The following BFAR variants were observed in gnomAD, a reference collection of about 807,000 sequenced individuals.
The protein encoded by BFAR is RING finger protein 47.
Under a neutral mutation model 54.4 loss-of-function variants are expected in BFAR, and 52 were observed. The observed-to-expected ratio is 0.96, with a 90% confidence interval of 0.77 to 1.21. The LOEUF is 1.21. Ranked by LOEUF, BFAR falls within the 50% of genes most tolerant of loss-of-function variation. BFAR has a pLI of 0.00. For missense variants in BFAR, 571 were observed against 534.0 expected (o/e 1.07, Z -0.68); for synonymous variants, 215 against 204.3 (o/e 1.05, Z -0.45).
rs1283371772 is a variant in BFAR, at chr16:14,645,818, A to G, written c.263+1209A>G. Among the ~76,000 whole-genome samples, 5 of 152,286 alleles carry G rather than the reference A, an allele frequency of 3.3e-5. No individual in the cohort carries two copies. In the East Asian group the frequency reaches 5.8e-4, roughly 18 times the overall value. ...TTTTCCCTTCTTATAAACTGATTTT[A>G]ATAACATAAGATACATATATATACA... On this transcript the variant is annotated intron_variant, in intron 2 of 7. Transcript: ENST00000261658.
At chr16:14,657,005 C>T (rs539801552) in intron 5 of BFAR, among the ~76,000 whole-genome samples, 4 of 151,552 alleles carry the variant, frequency 2.6e-5, no homozygotes, top group South Asian at 2.1e-4. Flanking sequence ...CAGGAGGCTA[C>T]GGCAGGAGAA....
chr16:14,656,492 GAAAA>G (rs904695833), intron 5 of BFAR, among the ~76,000 whole-genome samples: 1 of 131,552 alleles, frequency 7.6e-6, no homozygotes, highest in Non-Finnish European at 1.7e-5. Context: ...CCCTGTTTCA[GAAAA>G]AAAAAAAAAG....
At chr16:14,651,309 A>C (rs1390609234) in intron 4 of BFAR, among the ~76,000 whole-genome samples, 1 of 152,150 alleles carries the variant, frequency 6.6e-6, no homozygotes, top group Non-Finnish European at 1.5e-5. Context: ...ACGTACTTTC[A>C]CTGGTTTATT....
intron 6 of BFAR, among the ~76,000 whole-genome samples, chr16:14,662,356 C>G (rs1208438609): frequency 6.6e-6 from 1 of 152,110 alleles, no homozygotes; most frequent in East Asian, 1.9e-4. Flanking sequence ...CCCAAAGACC[C>G]TTGTAAACAC....
intron 1 of BFAR, among the ~76,000 whole-genome samples, chr16:14,635,106 G>A (rs115567048): frequency 0.014 from 2,096 of 152,258 alleles, 43 homozygotes; most frequent in African/African-American, 0.045. Context: ...ATGCCAAGGC[G>A]GGCAGATTGC....
chr16:14,654,235 TCTC>T (rs1399561220), intron 4 of BFAR, among the ~76,000 whole-genome samples: 22 of 151,746 alleles, frequency 1.4e-4, no homozygotes, highest in African/African-American at 7.3e-5. Flanking sequence ...ATGGTCTTGA[TCTC>T]CTGACCTCGT....
At chr16:14,654,262 C>T (rs1311491213) in intron 4 of BFAR, among the ~76,000 whole-genome samples, 5 of 151,976 alleles carry the variant, frequency 3.3e-5, no homozygotes, top group Middle Eastern at 3.4e-3. Context: ...CTGCCCGCCT[C>T]GGCCTCCCAA....
chr16:14,647,439 T>C (rs1959833427), intron 2 of BFAR, among the ~76,000 whole-genome samples: 1 of 152,012 alleles, frequency 6.6e-6, no homozygotes. Flanking sequence ...CTCATGCCTG[T>C]AATCCCAGTA....
chr16:14,651,614 G>T (rs1959969580), intron 4 of BFAR, among the ~76,000 whole-genome samples: 1 of 152,004 alleles, frequency 6.6e-6, no homozygotes, highest in Non-Finnish European at 1.5e-5. Flanking sequence ...CAAGTAGCTG[G>T]GACTGCAGGC....
chr16:14,666,901 A>C lies in BFAR; in HGVS notation c.1161-734A>C, dbSNP rs57933955. 8.5e-5 allele frequency among the ~76,000 whole-genome samples: 13 copies of C among 152,278 alleles called. No homozygotes were observed. In the East Asian group the frequency reaches 2.3e-3, roughly 27 times the overall value. On this transcript the variant is annotated intron_variant, in intron 7 of 7. Coordinates refer to ENST00000261658, the MANE Select transcript of BFAR (RefSeq NM_016561.3). The stretch of plus-strand genomic sequence containing the variant: ...ATAGTGTGAGGCCCTACAGCCTAGC[A>C]AAGAAAATATGTACGTTAAAAAATA...
chr16:14,664,741 C>G lies in BFAR; in HGVS notation c.958-128C>G, dbSNP rs1169128942. 4.8e-6 allele frequency: 4 copies of G among 836,490 alleles called. No individual in the cohort carries two copies. In the African/African-American group the frequency reaches 6.8e-5, roughly 14 times the overall value. 51.8% of individuals were successfully genotyped at this position (836,490 alleles called of 1,614,324 possible). A position where few individuals can be genotyped will look rare whatever the true frequency, so the allele number is the denominator to read the frequency against. On this transcript the variant is annotated intron_variant, in intron 6 of 7. Transcript: ENST00000261658. ...TCTTGAACTCCTTACCTCAGGTGATCCGCCCACCTAGGCCTCCCAAAGTGG... is the reference window on the plus strand; with the variant it reads ...TCTTGAACTCCTTACCTCAGGTGATGCGCCCACCTAGGCCTCCCAAAGTGG...
intron 5 of BFAR, among the ~76,000 whole-genome samples, chr16:14,655,574 C>T (rs1203578118): frequency 6.6e-6 from 1 of 151,438 alleles, no homozygotes; most frequent in Non-Finnish European, 1.5e-5. Flanking sequence ...GCTGGGATTA[C>T]AGGCACACGC....
intron 5 of BFAR, among the ~76,000 whole-genome samples, chr16:14,659,241 TTTG>T (rs1960219719): frequency 2.7e-5 from 4 of 147,966 alleles, no homozygotes; most frequent in African/African-American, 1.0e-4. Flanking sequence ...TTTGTTTTTT[TTTG>T]TTTTTTGTTT....
Position 14,655,097 on chromosome 16 carries a change from T to C in BFAR, c.670T>C (p.Ser224Pro). The change falls in exon 5 of 8, where the codon TCC (serine) becomes CCC (proline). Residue 224 changes from serine to proline, a missense_variant. By Grantham distance (74) the Ser-to-Pro change is moderately conservative. Coordinates refer to ENST00000261658, the MANE Select transcript of BFAR (RefSeq NM_016561.3). The part of the protein sequence containing the change: ...LLLTLTEEEF[S>P]KTPYTIENSS... ...TTTAACTTTGACAGAGGAAGAATTT[T>C]CCAAGACGCCCTATACCATAGAAAA... The C allele has an allele frequency of 6.2e-7, 1 of 1,610,114 alleles. No individual in the cohort carries two copies.
In BFAR at chr16:14,667,919, T is replaced by C; in HGVS notation, c.*92T>C. The C allele has an allele frequency of 7.6e-7, 1 of 1,321,374 alleles. No individual in the cohort carries two copies. The allele number at this position is 1,321,374 out of a possible 1,614,324, so 81.9% of individuals were successfully genotyped here. A position where few individuals can be genotyped will look rare whatever the true frequency, so the allele number is the denominator to read the frequency against. The stretch of plus-strand genomic sequence containing the variant: ...TGAGGCAGGGAGCGGACTTCCTATT[T>C]TCTACCCTCAGTAAAACAAGGTGCT... On this transcript the variant is annotated 3_prime_UTR_variant, in exon 8 of 8. Transcript: ENST00000261658.
chr16:14,662,107 A>G (rs760286513), intron 6 of BFAR, 42 bp downstream of exon 6: 2 of 1,607,028 alleles, frequency 1.2e-6, no homozygotes, highest in Non-Finnish European at 1.7e-6. Context: ...TTCCACTGTC[A>G]AGTTATTTGC....
At chr16:14,664,799 C>A in intron 6 of BFAR, 70 bp from the exon 7 acceptor site, 1 of 1,472,048 alleles carries the variant, frequency 6.8e-7, no homozygotes, top group Non-Finnish European at 9.5e-7. Context: ...CGTGCCTAGC[C>A]TGATCATCAC....
chr16:14,638,732 G>T (rs1959530720), intron 1 of BFAR, among the ~76,000 whole-genome samples: 1 of 152,160 alleles, frequency 6.6e-6, no homozygotes, highest in Non-Finnish European at 1.5e-5. Flanking sequence ...GATCACGTGA[G>T]GTCAGGAGTT....
At chr16:14,644,703 C>T (rs577424486) in intron 2 of BFAR, 94 bp downstream of exon 2, 18 of 1,410,366 alleles carry the variant, frequency 1.3e-5, no homozygotes, top group South Asian at 2.7e-5. Context: ...GATGGCGTCT[C>T]GCTATGTTGC....
Sources: allele counts gnomAD v4.1 joint callset (sites outside exome capture counted in the v4.1 genomes callset), GRCh38; gene constraint gnomAD v4.1.1; transcripts MANE v1.5; gene names NCBI Gene and HGNC (gene_info 2026-07-23, HGNC 2026-07-21).